The following ASB9 variants were observed in gnomAD, a reference collection of about 807,000 sequenced individuals.
The protein encoded by ASB9 is ankyrin repeat and SOCS box protein 9.
Under a neutral mutation model 16.6 loss-of-function variants are expected in ASB9, and 5 were observed. That is an observed-to-expected ratio of 0.30 (90% CI 0.16 to 0.63). ASB9 has a LOEUF of 0.63. Ranked by LOEUF, ASB9 falls within the 30% of genes least tolerant of loss-of-function variation. The pLI is 0.82. For synonymous variants in ASB9, 100 were observed against 86.4 expected (o/e 1.16, Z -0.87); for missense variants, 216 against 229.4 (o/e 0.94, Z 0.38).
chrX:15,266,456 C>T (rs769575116), intron 1 of ASB9, among the ~76,000 whole-genome samples: 1 of 112,156 alleles, frequency 8.9e-6, no homozygotes, highest in Admixed American at 9.5e-5. Context: ...GCCTGACCTC[C>T]TCCACTTAGC....
chrX:15,248,067 C>G (rs182185687), intron 6 of ASB9, among the ~76,000 whole-genome samples: 14 of 111,988 alleles, frequency 1.3e-4, no homozygotes, highest in Non-Finnish European at 2.6e-4. Context: ...AAGTACTGAG[C>G]TGGTTTCTCA....
Position 15,254,602 on chromosome X carries a change from A to G in ASB9, c.282+135T>C, listed in dbSNP as rs747780209. The G allele has an allele frequency of 7.7e-6, 4 of 522,603 alleles. No homozygotes were observed. The East Asian group carries it at 1.0e-4, about 13-fold the overall frequency. 43.1% of individuals were successfully genotyped at this position (522,603 alleles called of 1,213,427 possible). On this transcript the variant is annotated intron_variant, in intron 3 of 6. Coordinates refer to ENST00000380488, the MANE Select transcript of ASB9 (RefSeq NM_001031739.3). Reference sequence around the variant, plus strand: ...TCACTAAAGCAAACAAGCCTGATGAACATAATTTTCTTGAAAAACAACTGT... The same window carrying G: ...TCACTAAAGCAAACAAGCCTGATGAGCATAATTTTCTTGAAAAACAACTGT...
rs1010810603 is a variant in ASB9 at position 15,244,406 on chromosome X, C to T, written c.*100G>A. On this transcript the variant is annotated 3_prime_UTR_variant, in exon 7 of 7. Transcript: ENST00000380488. The stretch of plus-strand genomic sequence containing the variant: ...ACAAATACAAATCTAATCGAAAAAA[C>T]TAGTCAAACTCTATAAATCCAACTT... The T allele has an allele frequency of 1.1e-5, 11 of 958,212 alleles. No individual in the cohort carries two copies. In the African/African-American group the frequency reaches 1.6e-4, roughly 14 times the overall value. 79.0% of individuals were successfully genotyped at this position (958,212 alleles called of 1,213,427 possible).
At chrX:15,245,643 G>A (rs745840043) in intron 6 of ASB9, among the ~76,000 whole-genome samples, 4 of 111,695 alleles carry the variant, frequency 3.6e-5, no homozygotes, top group African/African-American at 1.3e-4. Flanking sequence ...CATGGACGCT[G>A]AGTCCCCCCA....
chrX:15,252,227 A>G, intron 4 of ASB9, 27 bp downstream of exon 4: 2 of 1,168,950 alleles, frequency 1.7e-6, no homozygotes, highest in Non-Finnish European at 1.1e-6. Context: ...AGGAGTGGGT[A>G]GAAAAAAAAA....
chrX:15,252,260 T>C lies in ASB9; in HGVS notation c.427A>G (p.Arg143Gly), dbSNP rs375423720. The C allele has an allele frequency of 3.6e-5, 43 of 1,203,451 alleles. No homozygotes were observed. The South Asian group carries it at 6.2e-4, about 17-fold the overall frequency. ...DLASPIHEAA[R>G]RGHVECVNSL... is the part of the protein sequence containing the mutation. ...AAATTCTCAACAGATTTACCTCTCC[T>C]AGCAGCTTCATGGATGGGGGATGCC... The change falls in exon 4 of 7, where the codon AGG becomes GGG. Residue 143 changes from arginine to glycine, a missense_variant. Physicochemically the swap from Arg to Gly is moderately radical, Grantham distance 125. Transcript: ENST00000380488.
chrX:15,256,582 C>T (rs756860734), intron 2 of ASB9, among the ~76,000 whole-genome samples: 268 of 106,912 alleles, frequency 2.5e-3, no homozygotes, highest in Non-Finnish European at 3.7e-3. Context: ...TCGAGACCAT[C>T]CTGGCTAACA....
At chrX:15,269,591 G>A (rs965233192) in intron 1 of ASB9, among the ~76,000 whole-genome samples, 190 bp downstream of exon 1, 3 of 112,008 alleles carry the variant, frequency 2.7e-5, no homozygotes, top group Admixed American at 9.5e-5. Flanking sequence ...TTGTCTGTAG[G>A]ATTCTGCAGA....
chrX:15,248,991 G>A, intron 5 of ASB9, 56 bp from the exon 6 acceptor site: 1 of 1,060,611 alleles, frequency 9.4e-7, no homozygotes, highest in Non-Finnish European at 1.2e-6. Context: ...CAACCATCGG[G>A]GCTTTTCAAA....
intron 2 of ASB9, among the ~76,000 whole-genome samples, chrX:15,256,842 T>C (rs1482872846): frequency 9.3e-6 from 1 of 107,458 alleles, no homozygotes; most frequent in Non-Finnish European, 1.9e-5. Flanking sequence ...GAAAAGAATA[T>C]GTCATTTCTT....
chrX:15,261,946 G>A (rs951065477), intron 1 of ASB9, among the ~76,000 whole-genome samples: 38 of 112,096 alleles, frequency 3.4e-4, no homozygotes, highest in African/African-American at 1.2e-3. Flanking sequence ...TCACTCCACA[G>A]TTCTACTTCC....
chrX:15,247,192 T>C (rs904984959), intron 6 of ASB9, among the ~76,000 whole-genome samples: 3 of 111,617 alleles, frequency 2.7e-5, no homozygotes, highest in African/African-American at 6.5e-5. Flanking sequence ...CCATTTCTTG[T>C]GGGCTCCGAG....
intron 1 of ASB9, among the ~76,000 whole-genome samples, chrX:15,260,313 G>A (rs1925872425): frequency 3.6e-5 from 4 of 111,849 alleles, no homozygotes; most frequent in Non-Finnish European, 7.5e-5. Flanking sequence ...CGGGAGAATC[G>A]GTTGAACCCG....
intron 5 of ASB9, among the ~76,000 whole-genome samples, chrX:15,250,086 G>T (rs1924974821): frequency 1.8e-5 from 2 of 111,793 alleles, no homozygotes; most frequent in Non-Finnish European, 3.8e-5. Context: ...TAATCCAACA[G>T]CTTTGCAAGT....
In ASB9 at chrX:15,248,989, G is replaced by A. The variant is rs866554189; in HGVS notation, c.569-54C>T. On this transcript the variant is annotated intron_variant, in intron 5 of 6. Coordinates refer to ENST00000380488, the MANE Select transcript of ASB9 (RefSeq NM_001031739.3). The stretch of plus-strand genomic sequence containing the variant: ...CAGCAAGGAGCAGAATCCAACCATC[G>A]GGGCTTTTCAAAGCCCCGAGCCCCA... 59 of 1,062,677 alleles carry A rather than the reference G, an allele frequency of 5.6e-5. No individual in the cohort carries two copies. In the South Asian group the frequency reaches 9.7e-4, roughly 17 times the overall value. 87.6% of individuals were successfully genotyped at this position (1,062,677 alleles called of 1,213,427 possible).
chrX:15,250,628 C>T (rs1057308598), intron 4 of ASB9, 64 bp from the exon 5 acceptor site: 15 of 1,070,544 alleles, frequency 1.4e-5, no homozygotes, highest in Non-Finnish European at 1.9e-5. Context: ...AAAGACATTG[C>T]CATCCCCATT....
At chrX:15,253,917 A>G (rs1017821830) in intron 3 of ASB9, among the ~76,000 whole-genome samples, 2 of 111,951 alleles carry the variant, frequency 1.8e-5, no homozygotes, top group African/African-American at 6.5e-5. Flanking sequence ...AGGGTAAAAA[A>G]TTTAAGGACA....
At chrX:15,248,304 T>G (rs1374546715) in intron 6 of ASB9, among the ~76,000 whole-genome samples, 1 of 111,945 alleles carries the variant, frequency 8.9e-6, no homozygotes, top group Non-Finnish European at 1.9e-5. Flanking sequence ...AACCCTAAAC[T>G]CTTAAACAGC....
chrX:15,267,930 AAATG>A (rs756172472), intron 1 of ASB9, among the ~76,000 whole-genome samples: 1 of 110,937 alleles, frequency 9.0e-6, no homozygotes, highest in African/African-American at 3.3e-5. Flanking sequence ...GAAATTGGAT[AAATG>A]AATGAATGAA....
Sources: allele counts gnomAD v4.1 joint callset (sites outside exome capture counted in the v4.1 genomes callset), GRCh38; gene constraint gnomAD v4.1.1; transcripts MANE v1.5; gene names NCBI Gene and HGNC (gene_info 2026-07-23, HGNC 2026-07-21).